Variants in HIC2 observed in about 807,000 individuals in gnomAD.
HIC2 encodes the protein HIC ZBTB transcriptional repressor 2.
HIC2 carries 2 observed loss-of-function variants against 39.5 expected under a neutral mutation model. That is an observed-to-expected ratio of 0.05 (90% CI 0.02 to 0.16). The LOEUF (loss-of-function observed/expected upper bound fraction) is 0.16, where lower values mean the gene tolerates loss of function less well. Ranked by LOEUF, HIC2 falls within the 10% of genes least tolerant of loss-of-function variation. HIC2 has a pLI of 1.00. For missense variants in HIC2, 713 were observed against 863.5 expected (o/e 0.83, Z 2.18); for synonymous variants, 399 against 368.8 (o/e 1.08, Z -0.94).
chr22:21,446,150 G>A lies in HIC2; in HGVS notation c.1255G>A (p.Gly419Ser), dbSNP rs775284475. 21 of 1,609,006 alleles carry A rather than the reference G, an allele frequency of 1.3e-5. No individual in the cohort carries two copies. Among genetic ancestry groups the A allele is most frequent in the Middle Eastern group, 1.6e-4 (1 of 6,062 alleles). The change falls in exon 3 of 3, where the codon GGC (glycine) becomes AGC (serine). Residue 419 changes from glycine to serine, a missense_variant. Gly to Ser is a moderately conservative substitution (Grantham distance 56). This residue lies in a region of HIC2 where 457 missense variants were observed against 420.2 expected (regional missense o/e 1.09). Transcript: ENST00000407464. ...SAQSGSEGGS[G>S]HASAHYMYRQ... is the part of the protein sequence containing the mutation. ...GCAGAGCGGGAGCGAGGGGGGCAGC[G>A]GCCATGCCAGCGCCCACTACATGTA...
intron 1 of HIC2, among the ~76,000 whole-genome samples, chr22:21,421,723 T>G (rs1412121406): frequency 1.1e-5 from 1 of 87,296 alleles, no homozygotes; most frequent in African/African-American, 3.0e-5. Flanking sequence ...TAGGTGCATG[T>G]TTTCTGTTTA....
At chr22:21,422,873 GTCT>G (rs1053348469) in intron 1 of HIC2, among the ~76,000 whole-genome samples, 587 of 11,780 alleles carry the variant, frequency 0.05, 119 homozygotes, top group African/African-American at 0.15. Context: ...TGGGACCTCT[GTCT>G]TCTTCTCCCT....
At position 21,448,133 on chromosome 22, in the gene HIC2, G is replaced by C. The variant is rs1262133854; in HGVS notation, c.*1390G>C. On this transcript the variant is annotated 3_prime_UTR_variant, in exon 3 of 3. Transcript: ENST00000407464. ...CAAACCTCTGTGGTATAGGTGAGGG[G>C]TGTGAGGCCCCAGCCTGGAGCCAGG... 1 of 152,428 alleles carries C rather than the reference G, an allele frequency of 6.6e-6. No individual in the cohort carries two copies. The highest frequency in any genetic ancestry group is 6.5e-5 in the Admixed American group (1 of 15,278). 9.4% of individuals were successfully genotyped at this position (152,428 alleles called of 1,614,324 possible).
chr22:21,445,618 C>G lies in HIC2; in HGVS notation c.723C>G (p.Cys241Trp), dbSNP rs200708695. 27 of 1,577,174 alleles carry G rather than the reference C, an allele frequency of 1.7e-5. No homozygotes were observed. The African/African-American group carries it at 3.5e-4, about 21-fold the overall frequency. The change falls in exon 3 of 3, where the codon TGC becomes TGG. Residue 241 changes from cysteine (C) to tryptophan (W), a missense_variant. Transcript: ENST00000407464. ...SSSTNGSSGG[C>W]EQELGLDLSK... Reference sequence around the variant, plus strand: ...GCACCAACGGGAGCAGCGGGGGCTGCGAGCAGGAGCTGGGCTTGGACCTGT... The same window carrying G: ...GCACCAACGGGAGCAGCGGGGGCTGGGAGCAGGAGCTGGGCTTGGACCTGT...
chr22:21,417,725 C>T (rs1321240658), intron 1 of HIC2, among the ~76,000 whole-genome samples, 165 bp downstream of exon 1: 6 of 144,436 alleles, frequency 4.2e-5, no homozygotes, highest in African/African-American at 1.5e-4. Flanking sequence ...TGGGCTGGGG[C>T]GCACGCGGGA....
At chr22:21,444,317 G>GCGCC (rs1305605177) in intron 2 of HIC2, among the ~76,000 whole-genome samples, 1 of 152,250 alleles carries the variant, frequency 6.6e-6, no homozygotes, top group African/African-American at 2.4e-5. Flanking sequence ...GCAGCACTTG[G>GCGCC]CGCCCGCCCA....
rs1268295303 is a variant in HIC2, at chr22:21,446,010, G to A, written c.1115G>A (p.Arg372Lys). The A allele has an allele frequency of 6.3e-7, 1 of 1,577,664 alleles. No homozygotes were observed. The highest frequency in any genetic ancestry group is 1.4e-5 in the African/African-American group (1 of 73,972). The change falls in exon 3 of 3, where the codon AGG (arginine) becomes AAG (lysine). Residue 372 changes from arginine (R) to lysine (K), a missense_variant. Transcript: ENST00000407464. ...GAGGAGGGTGAGGGGGTCGGGGACA[G>A]GGTTCCCAATGGCATCCTGGCTAGT... is the stretch of plus-strand genomic sequence containing the variant. ...PGEEGEGVGD[R>K]VPNGILASGA...
In HIC2 at chr22:21,446,596, C is replaced by T; in HGVS notation, c.1701C>T (p.Gly567=). Residue 567 remains glycine, a synonymous_variant, in exon 3 of 3, where the codon GGC becomes GGT. Coordinates refer to ENST00000407464, the MANE Select transcript of HIC2 (RefSeq NM_015094.3). ...AGCCCTTCGCCTGCGATGAGTGTGG[C>T]ATGCGCTTCACCCGTCAGTACCGCC... ...GLKPFACDEC[G]MRFTRQYRLT... 6 of 1,613,668 alleles carry T rather than the reference C, an allele frequency of 3.7e-6. No homozygotes were observed. The highest frequency in any genetic ancestry group is 4.2e-6 in the Non-Finnish European group (5 of 1,180,028).
intron 2 of HIC2, among the ~76,000 whole-genome samples, 165 bp from the exon 3 acceptor site, chr22:21,444,757 T>C (rs930377182): frequency 6.6e-5 from 10 of 152,226 alleles, no homozygotes; most frequent in Non-Finnish European, 1.2e-4. Context: ...CGCCTGCATG[T>C]GGTGGGCATT....
chr22:21,417,910 C>T (rs1341052799), intron 1 of HIC2, among the ~76,000 whole-genome samples: 1 of 148,596 alleles, frequency 6.7e-6, no homozygotes, highest in Non-Finnish European at 1.5e-5. Flanking sequence ...GCAATCTAAT[C>T]CGAACAGCGT....
chr22:21,432,590 C>T (rs1252634714), intron 1 of HIC2, among the ~76,000 whole-genome samples: 6 of 111,278 alleles, frequency 5.4e-5, no homozygotes, highest in African/African-American at 1.2e-4. Flanking sequence ...GCAGGACAGT[C>T]GCTTGAACCC....
chr22:21,443,559 G>C (rs961422529), intron 2 of HIC2, among the ~76,000 whole-genome samples: 5 of 152,112 alleles, frequency 3.3e-5, no homozygotes, highest in Admixed American at 6.5e-5. Flanking sequence ...TGAGAGACTG[G>C]ACCCTGAACT....
intron 1 of HIC2, among the ~76,000 whole-genome samples, chr22:21,426,337 A>AT (rs1228128162): frequency 0.97 from 46,591 of 48,238 alleles, 22,533 homozygotes; most frequent in Non-Finnish European, 0.98. Flanking sequence ...ACAGCCAGCT[A>AT]TTTTTTTTTT....
intron 1 of HIC2, among the ~76,000 whole-genome samples, chr22:21,432,075 C>T (rs1481534970): frequency 1.9e-4 from 25 of 131,894 alleles, no homozygotes; most frequent in Non-Finnish European, 3.7e-4. Flanking sequence ...GCTGTAGCTC[C>T]TGAGCCATTT....
chr22:21,448,773 C>CA lies in HIC2; in HGVS notation c.*2031dup, dbSNP rs1267396248. Reference sequence around the variant, plus strand: ...GCCCCTCTTCCCTCCTGGTGGGAGACAGAGGACTGGACCCTGGGTCTCAGG... The same window carrying CA: ...GCCCCTCTTCCCTCCTGGTGGGAGACAAGAGGACTGGACCCTGGGTCTCAGG... On this transcript the variant is annotated 3_prime_UTR_variant, in exon 3 of 3. Transcript: ENST00000407464. The CA allele has an allele frequency of 3.9e-5, 6 of 152,822 alleles. No homozygotes were observed. The highest frequency in any genetic ancestry group is 2.6e-4 in the Admixed American group (4 of 15,288). 9.5% of individuals were successfully genotyped at this position (152,822 alleles called of 1,614,324 possible).
At chr22:21,425,724 T>C in intron 1 of HIC2, among the ~76,000 whole-genome samples, 1 of 148,218 alleles carries the variant, frequency 6.7e-6, no homozygotes, top group East Asian at 2.0e-4. Flanking sequence ...CTTTTTTTTT[T>C]TTTTTTGAGA....
Position 21,446,268 on chromosome 22 carries a change from A to G in HIC2, c.1373A>G (p.Asn458Ser), listed in dbSNP as rs765750621. ...GGCTTCCCCAGCTCTGAGCAGCTCA[A>G]TGCGCACGTGGAGACTCACACGGAG... Reference protein sequence around the residue: ...AKGFPSSEQLNAHVETHTEEE... With the variant: ...AKGFPSSEQLSAHVETHTEEE... Residue 458 changes from asparagine (N) to serine (S), a missense_variant, in exon 3 of 3, where the codon AAT (asparagine) becomes AGT (serine). By Grantham distance (46) the Asn-to-Ser change is conservative. Coordinates refer to ENST00000407464, the MANE Select transcript of HIC2 (RefSeq NM_015094.3). 20 of 1,613,308 alleles carry G rather than the reference A, an allele frequency of 1.2e-5. No homozygotes were observed. Among genetic ancestry groups the G allele is most frequent in the Non-Finnish European group, 1.5e-5 (18 of 1,180,016 alleles).
In HIC2 at chr22:21,445,489, C is replaced by T. The variant is rs368927322; in HGVS notation, c.594C>T (p.Asp198=). The part of the protein sequence containing the change: ...PQELPQAKGS[D]DELFLGGSNQ... Reference sequence around the variant, plus strand: ...AGCTCCCCCAAGCCAAAGGCTCAGACGATGAACTCTTTCTTGGTGGCTCTA... The same window carrying T: ...AGCTCCCCCAAGCCAAAGGCTCAGATGATGAACTCTTTCTTGGTGGCTCTA... The change falls in exon 3 of 3, where the codon GAC becomes GAT. Residue 198 remains aspartate, a synonymous_variant. Coordinates refer to ENST00000407464, the MANE Select transcript of HIC2 (RefSeq NM_015094.3). 17 of 1,581,816 alleles carry T rather than the reference C, an allele frequency of 1.1e-5. No homozygotes were observed. The highest frequency in any genetic ancestry group is 4.1e-5 in the African/African-American group (3 of 73,236).
chr22:21,445,672 C>T lies in HIC2; in HGVS notation c.777C>T (p.Ala259=), dbSNP rs762183127. 6.2e-7 allele frequency: 1 copy of T among 1,608,478 alleles called. No individual in the cohort carries two copies. Among genetic ancestry groups the T allele is most frequent in the South Asian group, 1.1e-5 (1 of 90,614 alleles). Residue 259 remains alanine (A), a synonymous_variant, in exon 3 of 3, where the codon GCC becomes GCT. Transcript: ENST00000407464. ...LSKKSPPLPP[A]TPGPHLTPDD... is the part of the protein sequence containing the mutation. ...AGAAAAGCCCACCCTTGCCCCCTGCCACCCCAGGTCCCCACCTCACTCCCG... is the reference window on the plus strand; with the variant it reads ...AGAAAAGCCCACCCTTGCCCCCTGCTACCCCAGGTCCCCACCTCACTCCCG...
Sources: allele counts gnomAD v4.1 joint callset (sites outside exome capture counted in the v4.1 genomes callset), GRCh38; gene constraint gnomAD v4.1.1; regional missense constraint gnomAD v4.1.1; transcripts MANE v1.5; gene names NCBI Gene and HGNC (gene_info 2026-07-23, HGNC 2026-07-21).